Variants in ASAP2 observed in about 807,000 individuals in gnomAD.
ASAP2 encodes the protein arf-GAP with SH3 domain, ANK repeat and PH domain-containing protein 2.
In ASAP2, 45 loss-of-function variants were observed where a neutral mutation model predicts 131.4. The observed-to-expected ratio is 0.34, with a 90% confidence interval of 0.27 to 0.44. The LOEUF (loss-of-function observed/expected upper bound fraction) is 0.44. Among genes scored for constraint, ASAP2 ranks in the 20% least tolerant of loss-of-function variants. ASAP2 has a pLI of 1.00. For missense variants in ASAP2, 1,011 were observed against 1,297.0 expected, an observed-to-expected ratio of 0.78 and a Z score of 3.39; for synonymous variants, 510 against 503.0, an observed-to-expected ratio of 1.01 and a Z score of -0.19.
chr2:9,215,798 C>A, intron 1 of ASAP2, among the ~76,000 whole-genome samples: 1 of 152,022 alleles, frequency 6.6e-6, no homozygotes, highest in East Asian at 1.9e-4. Context: ...GAGTTGCACC[C>A]TAGGCCAGTG....
chr2:9,356,079 G>A lies in ASAP2; in HGVS notation c.1144G>A (p.Glu382Lys), dbSNP rs1217689420. The A allele has an allele frequency of 1.2e-6, 2 of 1,614,070 alleles. No homozygotes were observed. The highest frequency in any genetic ancestry group is 8.5e-7 in the Non-Finnish European group (1 of 1,180,058). Residue 382 changes from glutamate to lysine, a missense_variant, in exon 13 of 28, where the codon GAA becomes AAA. Around this residue, in one of 2 missense-constraint regions of ASAP2, gnomAD observed 359 missense variants for 598.1 expected, o/e 0.60. Transcript: ENST00000281419. ...DRTYHFQAED[E>K]QECQIWMSVL... ...AACTTACCACTTTCAAGCTGAAGAT[G>A]AACAGGAATGTCAAATGTAAGTTAC...
intron 1 of ASAP2, among the ~76,000 whole-genome samples, chr2:9,231,906 G>T (rs1010416928): frequency 6.6e-6 from 1 of 152,112 alleles, no homozygotes; most frequent in African/African-American, 2.4e-5. Flanking sequence ...ACTTTGGGAA[G>T]TGGCAACCAT....
chr2:9,350,921 C>T, intron 12 of ASAP2, 26 bp downstream of exon 12: 1 of 1,560,726 alleles, frequency 6.4e-7, no homozygotes. Context: ...AGATGCCGCG[C>T]CATAGAGACG....
At position 9,403,486 on chromosome 2, in the gene ASAP2, C is replaced by T. The variant is rs1676926835; in HGVS notation, c.*159C>T. ...AAACTCAGAGGCAATTTTTACATAT[C>T]AGTAATTGTTTTTATAATTTGTGGT... On this transcript the variant is annotated 3_prime_UTR_variant, in exon 28 of 28. Transcript: ENST00000281419. The T allele has an allele frequency of 5.0e-6, 3 of 596,754 alleles. No individual in the cohort carries two copies. In the South Asian group the frequency reaches 7.1e-5, roughly 14 times the overall value. 37.0% of individuals were successfully genotyped at this position (596,754 alleles called of 1,614,324 possible). A position where few individuals can be genotyped will look rare whatever the true frequency, so the allele number is the denominator to read the frequency against.
chr2:9,385,205 T>G (rs762311379), intron 20 of ASAP2, 40 bp from the exon 21 acceptor site: 1 of 1,488,818 alleles, frequency 6.7e-7, no homozygotes, highest in South Asian at 1.1e-5. Context: ...CATGGCCGAG[T>G]GTATGAGCAA....
chr2:9,324,645 G>T (rs1558332305), intron 6 of ASAP2, among the ~76,000 whole-genome samples: 1 of 152,096 alleles, frequency 6.6e-6, no homozygotes, highest in Non-Finnish European at 1.5e-5. Flanking sequence ...TCCATGAATG[G>T]ATTAATCCAC....
chr2:9,297,397 G>A lies in ASAP2; in HGVS notation c.297G>A (p.Leu99=). 1 of 1,614,186 alleles carries A rather than the reference G, an allele frequency of 6.2e-7. No homozygotes were observed. The highest frequency in any genetic ancestry group is 8.5e-7 in the Non-Finnish European group (1 of 1,180,038). The change falls in exon 3 of 28, where the codon CTG becomes CTA. Residue 99 remains leucine, a synonymous_variant. Transcript: ENST00000281419. ...RDDPDLGSAF[L]KFSVFTKELT... Reference sequence around the variant, plus strand: ...ACCCAGATTTAGGAAGTGCGTTCCTGAAGTTCTCAGTGTTTACAAAGGAGT... The same window carrying A: ...ACCCAGATTTAGGAAGTGCGTTCCTAAAGTTCTCAGTGTTTACAAAGGAGT...
At chr2:9,384,400 G>A (rs1675099918) in intron 20 of ASAP2, among the ~76,000 whole-genome samples, 1 of 152,152 alleles carries the variant, frequency 6.6e-6, no homozygotes, top group Admixed American at 6.5e-5. Flanking sequence ...GCAGACACCA[G>A]CTGGCTGTCC....
intron 11 of ASAP2, among the ~76,000 whole-genome samples, chr2:9,347,940 T>C (rs1203886418): frequency 6.6e-6 from 1 of 152,226 alleles, no homozygotes; most frequent in Non-Finnish European, 1.5e-5. Context: ...GGAGAATCAC[T>C]GATAATCTCT....
intron 2 of ASAP2, among the ~76,000 whole-genome samples, chr2:9,296,022 C>T (rs1349361247): frequency 3.3e-5 from 5 of 152,156 alleles, no homozygotes; most frequent in African/African-American, 7.2e-5. Context: ...CTCATTTCCC[C>T]GAGAAGGAAT....
chr2:9,308,332 T>G (rs1041140779), intron 3 of ASAP2, among the ~76,000 whole-genome samples: 1 of 152,140 alleles, frequency 6.6e-6, no homozygotes, highest in Non-Finnish European at 1.5e-5. Flanking sequence ...CACACACTTT[T>G]AAACTCACTT....
intron 7 of ASAP2, among the ~76,000 whole-genome samples, chr2:9,329,949 G>C (rs1437886181): frequency 6.6e-6 from 1 of 152,166 alleles, no homozygotes; most frequent in Non-Finnish European, 1.5e-5. Flanking sequence ...CACACCGTCT[G>C]CTTGTCTCCA....
At chr2:9,227,746 G>T (rs989690290) in intron 1 of ASAP2, among the ~76,000 whole-genome samples, 88 of 152,194 alleles carry the variant, frequency 5.8e-4, no homozygotes, top group African/African-American at 1.9e-3. Context: ...AAATATGTGG[G>T]TAAGGTATTT....
At chr2:9,278,338 C>A (rs998167203) in intron 1 of ASAP2, among the ~76,000 whole-genome samples, 2 of 151,970 alleles carry the variant, frequency 1.3e-5, no homozygotes, top group Non-Finnish European at 2.9e-5. Flanking sequence ...CATGGTGAAA[C>A]CCCGTCTCTA....
intron 18 of ASAP2, 151 bp downstream of exon 18, chr2:9,377,144 G>T: frequency 1.5e-6 from 1 of 681,068 alleles, no homozygotes; most frequent in Non-Finnish European, 2.5e-6. Context: ...ACTGCCAGGT[G>T]TGAGGTACTC....
At chr2:9,271,025 C>T (rs1355967850) in intron 1 of ASAP2, among the ~76,000 whole-genome samples, 1 of 151,654 alleles carries the variant, frequency 6.6e-6, no homozygotes, top group Admixed American at 6.6e-5. Context: ...GATCTCGTGA[C>T]CTCGTGATCC....
intron 9 of ASAP2, among the ~76,000 whole-genome samples, chr2:9,341,836 C>A (rs549004643): frequency 6.6e-6 from 1 of 152,154 alleles, no homozygotes; most frequent in South Asian, 2.1e-4. Context: ...CCCATGAATG[C>A]GTGTGTGCCC....
chr2:9,279,985 A>G (rs746301574), intron 2 of ASAP2, among the ~76,000 whole-genome samples: 8 of 152,200 alleles, frequency 5.3e-5, no homozygotes, highest in Non-Finnish European at 8.8e-5. Context: ...GAGTGATACA[A>G]AATATTTTTT....
intron 16 of ASAP2, among the ~76,000 whole-genome samples, chr2:9,371,577 C>G (rs1673960616): frequency 5.9e-5 from 9 of 152,126 alleles, no homozygotes; most frequent in Admixed American, 5.9e-4. Context: ...GAAGGGGAAA[C>G]CAAGGACACC....
Sources: allele counts gnomAD v4.1 joint callset (sites outside exome capture counted in the v4.1 genomes callset), GRCh38; gene constraint gnomAD v4.1.1; regional missense constraint gnomAD v4.1.1; transcripts MANE v1.5; gene names NCBI Gene and HGNC (gene_info 2026-07-23, HGNC 2026-07-21).